Variants in EDC3 observed in about 807,000 individuals in gnomAD.
EDC3 encodes the protein enhancer of mRNA-decapping protein 3.
Under a neutral mutation model 41.8 loss-of-function variants are expected in EDC3, and 20 were observed. The ratio of observed to expected loss-of-function variants is 0.48; its 90% CI spans 0.34 to 0.70. The LOEUF is 0.70. Ranked by LOEUF, EDC3 falls within the 30% of genes least tolerant of loss-of-function variation. The pLI, the probability that EDC3 is intolerant of heterozygous loss-of-function variation, is 0.01. For synonymous variants in EDC3, 206 were observed against 243.2 expected, an observed-to-expected ratio of 0.85 and a Z score of 1.42; for missense variants, 444 against 636.8, an observed-to-expected ratio of 0.70 and a Z score of 3.26.
chr15:74,648,551 A>C (rs1267311955), intron 4 of EDC3, among the ~76,000 whole-genome samples: 1 of 152,240 alleles, frequency 6.6e-6, no homozygotes, highest in African/African-American at 2.4e-5. Context: ...TTCCTAGCAG[A>C]AACCAGAACT....
Position 74,692,682 on chromosome 15 carries a change from G to C in EDC3, c.-19+3198C>G, listed in dbSNP as rs750420552. On this transcript the variant is annotated intron_variant, in intron 1 of 6. Transcript: ENST00000315127. The stretch of plus-strand genomic sequence containing the variant: ...ACTAAGCAGGGTTCATTTCACAAAT[G>C]CAAGATGGGTTTAACATCTGAAAAT... Among the ~76,000 whole-genome samples the C allele has an allele frequency of 3.3e-5, 5 of 152,320 alleles. No homozygotes were observed. In the South Asian group the frequency reaches 1.0e-3, roughly 32 times the overall value.
rs1469889335 is a variant in EDC3 at position 74,635,439 on chromosome 15, T to A, written c.1162A>T (p.Thr388Ser). Reference protein sequence around the residue: ...ITNELSLFSKTQGQQVSSLKD... With the variant: ...ITNELSLFSKSQGQQVSSLKD... ...AGGCTAGACACTTGTTGGCCTTGGG[T>A]CTTGCTGAAGAGCGACAGCTCATTG... is the stretch of plus-strand genomic sequence containing the variant. The change falls in exon 6 of 7, where the codon ACC becomes TCC. Residue 388 changes from threonine to serine, a missense_variant. Physicochemically the swap from Thr to Ser is moderately conservative, Grantham distance 58. Around this residue, in one of 3 missense-constraint regions of EDC3, gnomAD observed 242 missense variants for 363.8 expected, o/e 0.67. Coordinates refer to ENST00000315127, the MANE Select transcript of EDC3 (RefSeq NM_025083.5). The A allele has an allele frequency of 6.2e-7, 1 of 1,614,110 alleles. No individual in the cohort carries two copies. The highest frequency in any genetic ancestry group is 8.5e-7 in the Non-Finnish European group (1 of 1,180,048).
intron 2 of EDC3, among the ~76,000 whole-genome samples, chr15:74,672,105 CA>C (rs374500243): frequency 0.32 from 44,581 of 138,798 alleles, 8,959 homozygotes; most frequent in East Asian, 0.55. Flanking sequence ...ACTAAAAATA[CA>C]AAAAAAAAAA....
chr15:74,679,926 CTAAAA>C (rs1374864821), intron 1 of EDC3: 1 of 151,438 alleles, frequency 6.6e-6, no homozygotes, highest in East Asian at 1.9e-4. Context: ...GACACCATCT[CTAAAA>C]TAAAAGTAAA....
At chr15:74,633,565 C>G (rs1317399230) in intron 6 of EDC3, among the ~76,000 whole-genome samples, 1 of 152,216 alleles carries the variant, frequency 6.6e-6, no homozygotes, top group Non-Finnish European at 1.5e-5. Context: ...TTACTATTCT[C>G]CCAGGCTCCT....
chr15:74,633,973 A>G (rs2062242109), intron 6 of EDC3, among the ~76,000 whole-genome samples: 1 of 152,104 alleles, frequency 6.6e-6, no homozygotes, highest in African/African-American at 2.4e-5. Flanking sequence ...CTGGCCCGAG[A>G]CTTAGCAGGT....
Position 74,671,466 on chromosome 15 carries a change from C to T in EDC3, c.473G>A (p.Arg158Gln), listed in dbSNP as rs1003838369. The T allele has an allele frequency of 2.5e-6, 4 of 1,608,880 alleles. No homozygotes were observed. The highest frequency in any genetic ancestry group is 3.4e-6 in the Non-Finnish European group (4 of 1,175,702). The change falls in exon 3 of 7, where the codon CGG (arginine) becomes CAG (glutamine). Residue 158 changes from arginine to glutamine, a missense_variant. Arg to Gln is a conservative substitution (Grantham distance 43, BLOSUM62 1). Around this residue, in one of 3 missense-constraint regions of EDC3, gnomAD observed 200 missense variants for 244.0 expected, o/e 0.82. Coordinates refer to ENST00000315127, the MANE Select transcript of EDC3 (RefSeq NM_025083.5). The surrounding 1 kb of genome is among the most constrained non-coding windows in gnomAD (Gnocchi z 4.6). Reference sequence around the variant, plus strand: ...TTGACCCTACTTACAGGAGTTGTGCCGACGACGGAAACTTTTGGACTGACT... The same window carrying T: ...TTGACCCTACTTACAGGAGTTGTGCTGACGACGGAAACTTTTGGACTGACT... ...SLSQSKSFRR[R>Q]HNSWSSSSRH...
chr15:74,662,213 C>A (rs940867667), intron 3 of EDC3, among the ~76,000 whole-genome samples: 2 of 152,266 alleles, frequency 1.3e-5, no homozygotes, highest in African/African-American at 2.4e-5. Flanking sequence ...TGACCACTTA[C>A]AACAGTGTGC....
chr15:74,634,082 T>A (rs1343406747), intron 6 of EDC3, among the ~76,000 whole-genome samples: 1 of 152,200 alleles, frequency 6.6e-6, no homozygotes, highest in Non-Finnish European at 1.5e-5. Flanking sequence ...TTCTCCCTGC[T>A]GTTCTCATTT....
chr15:74,668,758 G>GAAAGAAAGAAAGAAAGAAAGAA (rs1248806884), intron 3 of EDC3, among the ~76,000 whole-genome samples: 2 of 151,560 alleles, frequency 1.3e-5, no homozygotes, highest in Admixed American at 1.3e-4. Flanking sequence ...AAGAAAGAAA[G>GAAAGAAAGAAAGAAAGAAAGAA]AAAGAAAAAG....
chr15:74,640,705 T>C, intron 4 of EDC3, 86 bp from the exon 5 acceptor site: 1 of 1,546,014 alleles, frequency 6.5e-7, no homozygotes, highest in Non-Finnish European at 8.8e-7. Flanking sequence ...ATTCTGCAAA[T>C]GCCAACATTT....
intron 3 of EDC3, among the ~76,000 whole-genome samples, chr15:74,664,819 T>G (rs1432401014): frequency 6.6e-6 from 1 of 152,160 alleles, no homozygotes; most frequent in Non-Finnish European, 1.5e-5. Flanking sequence ...GTGGGATGAC[T>G]GTTAAAATGA....
intron 5 of EDC3, 162 bp from the exon 6 acceptor site, chr15:74,635,788 C>T (rs2062265948): frequency 1.5e-6 from 1 of 659,846 alleles, no homozygotes; most frequent in Non-Finnish European, 2.6e-6. Flanking sequence ...CAGGCCAGGT[C>T]TATAGGGTGG....
At chr15:74,667,035 T>A (rs1817523118) in intron 3 of EDC3, among the ~76,000 whole-genome samples, 1 of 152,048 alleles carries the variant, frequency 6.6e-6, no homozygotes, top group African/African-American at 2.4e-5. Context: ...TGTTTGATAG[T>A]CTCCCACAGG....
intron 3 of EDC3, among the ~76,000 whole-genome samples, chr15:74,670,660 C>T (rs1023880641): frequency 5.9e-5 from 9 of 152,090 alleles, no homozygotes; most frequent in African/African-American, 1.9e-4. Context: ...AAACGCCTGA[C>T]CTCAGGTGAT....
chr15:74,689,473 T>C (rs2062976923), intron 1 of EDC3, among the ~76,000 whole-genome samples: 1 of 152,220 alleles, frequency 6.6e-6, no homozygotes, highest in Admixed American at 6.5e-5. Flanking sequence ...GTCAAGAACT[T>C]GCTACCAAAG....
intron 5 of EDC3, chr15:74,636,872 G>C (rs1488014101): frequency 2.0e-5 from 3 of 152,112 alleles, no homozygotes; most frequent in Admixed American, 6.6e-5. Flanking sequence ...TCTCTAAAAG[G>C]GTTCTTCCTC....
At chr15:74,635,700 CT>C in intron 5 of EDC3, 74 bp from the exon 6 acceptor site, 1 of 1,344,852 alleles carries the variant, frequency 7.4e-7, no homozygotes, top group East Asian at 2.4e-5. Context: ...AGACAATTGC[CT>C]GTAGCACCTA....
chr15:74,660,129 C>T (rs2062604133), intron 3 of EDC3, among the ~76,000 whole-genome samples: 1 of 151,714 alleles, frequency 6.6e-6, no homozygotes. Flanking sequence ...TCACTTGAGC[C>T]CAGGAGGTCA....
Sources: gnomAD v4.1 joint callset for allele counts (sites outside exome capture counted in the v4.1 genomes callset) on GRCh38, gnomAD v4.1.1 for gene constraint, gnomAD v4.1.1 regional missense constraint, Gnocchi (gnomAD v3.1) non-coding constraint, MANE v1.5 for transcripts, NCBI Gene and HGNC (gene_info 2026-07-23, HGNC 2026-07-21) for gene names.